NEK10: variants seen among roughly 807,000 people sequenced by gnomAD.
NEK10 encodes the protein NIMA related kinase 10.
Under a neutral mutation model 159.8 loss-of-function variants are expected in NEK10, and 122 were observed. The observed-to-expected ratio is 0.76, with a 90% CI of 0.66 to 0.89. NEK10 has a LOEUF of 0.89. Among genes scored for constraint, NEK10 ranks in the 40% least tolerant of loss-of-function variants. The pLI is 0.00. For synonymous variants in NEK10, 466 were observed against 457.1 expected, an observed-to-expected ratio of 1.02 and a Z score of -0.25; for missense variants, 1,342 against 1,323.1, an observed-to-expected ratio of 1.01 and a Z score of -0.22.
intron 5 of NEK10, among the ~76,000 whole-genome samples, chr3:27,342,493 C>A (rs1314446491): frequency 1.3e-5 from 2 of 152,116 alleles, no homozygotes; most frequent in Non-Finnish European, 1.5e-5. Context: ...GTTCAACATT[C>A]CTGAATTCCA....
chr3:27,232,065 A>C (rs1953343405), intron 23 of NEK10, among the ~76,000 whole-genome samples: 1 of 151,966 alleles, frequency 6.6e-6, no homozygotes, highest in African/African-American at 2.4e-5. Flanking sequence ...AACCCTGATG[A>C]ATATAGATGG....
chr3:27,232,137 C>T lies in NEK10; in HGVS notation c.2090+24159G>A, dbSNP rs145249192. Among the ~76,000 whole-genome samples, 805 of 151,652 alleles carry T rather than the reference C, an allele frequency of 5.3e-3. 5 individuals are homozygous for T. The highest frequency in any genetic ancestry group is 0.019 in the African/African-American group (770 of 41,492). On this transcript the variant is annotated intron_variant, in intron 23 of 35. Transcript: ENST00000691995. ...ACAGCATATCAAAAAGATAACACAT[C>T]GTGATATGATCATATACGCAGAAAA...
Position 27,331,262 on chromosome 3 carries a change from A to AAAAAAAAAAAAAAAAAC in NEK10, c.363-9002_363-9001insGTTTTTTTTTTTTTTTT. Among the ~76,000 whole-genome samples the AAAAAAAAAAAAAAAAAC allele has an allele frequency of 2.1e-3, 226 of 110,054 alleles. 45 individuals are homozygous for AAAAAAAAAAAAAAAAAC. The highest frequency in any genetic ancestry group is 2.9e-3 in the Non-Finnish European group (150 of 50,992). 72.2% of individuals were successfully genotyped at this position (110,054 alleles called of 152,430 possible). On this transcript the variant is annotated intron_variant, in intron 5 of 35. Transcript: ENST00000691995. Reference sequence around the variant, plus strand: ...CAAAAAAAAAAAAACAAAAAAAAAAAACACACAAACCTAAGACTTTTGAGG... The same window carrying AAAAAAAAAAAAAAAAAC: ...CAAAAAAAAAAAAACAAAAAAAAAAAAAAAAAAAAAAAAAAACACACACAAACCTAAGACTTTTGAGG...
chr3:27,341,302 C>T (rs2047186833), intron 5 of NEK10, among the ~76,000 whole-genome samples: 1 of 152,054 alleles, frequency 6.6e-6, no homozygotes, highest in Admixed American at 6.6e-5. Context: ...AATCGCGTGA[C>T]TATAGTTAAC....
At position 27,116,127 on chromosome 3, in the gene NEK10, C is replaced by A. The variant is rs1030168498; in HGVS notation, c.3191G>T (p.Gly1064Val). 4 of 1,612,958 alleles carry A rather than the reference C, an allele frequency of 2.5e-6. No homozygotes were observed. Among genetic ancestry groups the A allele is most frequent in the Non-Finnish European group, 3.4e-6 (4 of 1,179,452 alleles). Residue 1064 changes from glycine to valine, a missense_variant and splice_region_variant, in exon 34 of 36, where the codon GGT becomes GTT. Coordinates refer to ENST00000691995, the MANE Select transcript of NEK10 (RefSeq NM_001394966.1). ...GNSLSPNDPT[G>V]LPTSIELEEG... The stretch of plus-strand genomic sequence containing the variant: ...CTCCAATTCAATGCTGGTTGGTAAA[C>A]CTAAAAAAGATAAATTATGGAAAGT...
intron 23 of NEK10, among the ~76,000 whole-genome samples, chr3:27,254,514 CT>C (rs1413970787): frequency 6.6e-6 from 1 of 152,172 alleles, no homozygotes; most frequent in Non-Finnish European, 1.5e-5. Context: ...TGATGTAGGA[CT>C]GAGTTCTTTT....
chr3:27,138,918 C>T (rs1222690119), intron 31 of NEK10, among the ~76,000 whole-genome samples: 1 of 152,152 alleles, frequency 6.6e-6, no homozygotes, highest in Non-Finnish European at 1.5e-5. Context: ...AGGACTATGG[C>T]ACAGAATGGG....
At position 27,143,617 on chromosome 3, in the gene NEK10, A is replaced by G. The variant is rs530918377; in HGVS notation, c.2870-2035T>C. ...CCCAACACATCCTTGACTTCTGGAAATACTTTTGATTACTTAGTTATTAAA... is the reference window on the plus strand; with the variant it reads ...CCCAACACATCCTTGACTTCTGGAAGTACTTTTGATTACTTAGTTATTAAA... On this transcript the variant is annotated intron_variant, in intron 30 of 35. Transcript: ENST00000691995. 7.0e-4 allele frequency: 339 copies of G among 486,020 alleles called. 2 individuals carry two copies. The highest frequency in any genetic ancestry group is 1.0e-3 in the Non-Finnish European group (289 of 275,894). 30.1% of individuals were successfully genotyped at this position (486,020 alleles called of 1,614,324 possible). A position where few individuals can be genotyped will look rare whatever the true frequency, so the allele number is the denominator to read the frequency against.
intron 28 of NEK10, among the ~76,000 whole-genome samples, chr3:27,174,005 A>G (rs1481754624): frequency 2.0e-5 from 3 of 152,074 alleles, no homozygotes; most frequent in Non-Finnish European, 4.4e-5. Flanking sequence ...CTTTTATTTT[A>G]TTGTTTTAAA....
chr3:27,248,919 T>A (rs1404078995), intron 23 of NEK10, among the ~76,000 whole-genome samples: 1 of 152,188 alleles, frequency 6.6e-6, no homozygotes, highest in Non-Finnish European at 1.5e-5. Context: ...TGATTTTCTA[T>A]CTGGGAGGTC....
At chr3:27,196,054 G>T (rs1047301665) in intron 25 of NEK10, among the ~76,000 whole-genome samples, 1 of 152,088 alleles carries the variant, frequency 6.6e-6, no homozygotes, top group African/African-American at 2.4e-5. Flanking sequence ...AAAACTAAAA[G>T]GTAGAAATGG....
chr3:27,278,055 C>T (rs2149428176), intron 22 of NEK10, among the ~76,000 whole-genome samples: 1 of 152,280 alleles, frequency 6.6e-6, no homozygotes, highest in South Asian at 2.1e-4. Flanking sequence ...CAAATATGGT[C>T]TTTGTCATGT....
intron 29 of NEK10, among the ~76,000 whole-genome samples, chr3:27,165,376 G>A (rs145955438): frequency 1.2e-3 from 189 of 152,318 alleles, no homozygotes; most frequent in African/African-American, 4.3e-3. Context: ...GAGCCTGGGG[G>A]AAGTCTGCCT....
At chr3:27,353,197 C>A (rs1160802234) in intron 1 of NEK10, among the ~76,000 whole-genome samples, 1 of 152,076 alleles carries the variant, frequency 6.6e-6, no homozygotes, top group African/African-American at 2.4e-5. Context: ...TTTTCTTAAT[C>A]AATTTCTAAT....
At chr3:27,280,912 GGTGTGT>G (rs148929788) in intron 22 of NEK10, among the ~76,000 whole-genome samples, 22 of 137,718 alleles carry the variant, frequency 1.6e-4, no homozygotes, top group Middle Eastern at 4.0e-3. Context: ...ATGTACATAT[GGTGTGT>G]GTGTGTGTGT....
At chr3:27,285,464 T>A (rs983874467) in intron 20 of NEK10, among the ~76,000 whole-genome samples, 1 of 151,552 alleles carries the variant, frequency 6.6e-6, no homozygotes, top group African/African-American at 2.4e-5. Flanking sequence ...GGTCTTGCAA[T>A]GACACAGTTG....
At chr3:27,253,870 C>G (rs1955907702) in intron 23 of NEK10, among the ~76,000 whole-genome samples, 1 of 152,154 alleles carries the variant, frequency 6.6e-6, no homozygotes, top group African/African-American at 2.4e-5. Context: ...CCTAGCCAGA[C>G]TCCTACTCAC....
intron 33 of NEK10, among the ~76,000 whole-genome samples, chr3:27,118,412 G>A (rs1940804386): frequency 6.6e-6 from 1 of 152,226 alleles, no homozygotes; most frequent in Admixed American, 6.5e-5. Flanking sequence ...ACATGTAGAG[G>A]CCTAGGCCAC....
chr3:27,250,702 AT>A (rs554342007), intron 23 of NEK10, among the ~76,000 whole-genome samples: 44 of 149,718 alleles, frequency 2.9e-4, no homozygotes, highest in African/African-American at 6.6e-4. Context: ...TCTGGGGTAA[AT>A]TTTTTTTTTC....
Sources: gnomAD v4.1 joint callset for allele counts (sites outside exome capture counted in the v4.1 genomes callset) on GRCh38, gnomAD v4.1.1 for gene constraint, MANE v1.5 for transcripts, NCBI Gene and HGNC (gene_info 2026-07-23, HGNC 2026-07-21) for gene names.